Variants in METTL15 observed in about 807,000 individuals in gnomAD.
METTL15 encodes the protein methyltransferase 15, mitochondrial 12S rRNA N4-cytidine, also known as 12S rRNA N(4)-cytidine methyltransferase METTL15.
METTL15 carries 34 observed loss-of-function variants against 38.3 expected under a neutral mutation model. That is an observed-to-expected ratio of 0.89 (90% CI 0.68 to 1.18). The LOEUF (loss-of-function observed/expected upper bound fraction) is 1.18. Ranked by LOEUF, METTL15 falls within the 50% of genes most tolerant of loss-of-function variation. METTL15 has a pLI of 0.00. For missense variants in METTL15, 438 were observed against 498.4 expected (o/e 0.88, Z 1.15); for synonymous variants, 162 against 170.9 (o/e 0.95, Z 0.41).
At chr11:28,431,808 G>GAAAAAAAAAAAAAAAAAAA (rs1186274147) in intron 6 of METTL15, among the ~76,000 whole-genome samples, 3 of 87,070 alleles carry the variant, frequency 3.4e-5, no homozygotes, top group Admixed American at 1.2e-4. Context: ...AAAAAAAAAA[G>GAAAAAAAAAAAAAAAAAAA]AAAAAAAAAA....
At chr11:28,396,392 A>G (rs1408737058) in intron 5 of METTL15, among the ~76,000 whole-genome samples, 1 of 152,210 alleles carries the variant, frequency 6.6e-6, no homozygotes, top group Non-Finnish European at 1.5e-5. Context: ...CAACTTCAGC[A>G]AAGTCTCAGG....
chr11:28,152,249 T>A (rs1484943258), intron 3 of METTL15, among the ~76,000 whole-genome samples: 2 of 151,880 alleles, frequency 1.3e-5, no homozygotes, highest in Admixed American at 6.6e-5. Flanking sequence ...TTTTTTTTTT[T>A]AATTAACTGC....
chr11:28,508,613 A>T (rs568747785), intron 6 of METTL15, among the ~76,000 whole-genome samples: 24 of 152,282 alleles, frequency 1.6e-4, no homozygotes, highest in Non-Finnish European at 3.2e-4. Context: ...ATGTTTCCAC[A>T]TCTCTAGGGG....
At chr11:28,320,252 C>T (rs559636268) in intron 6 of METTL15, among the ~76,000 whole-genome samples, 3 of 146,678 alleles carry the variant, frequency 2.0e-5, no homozygotes, top group Non-Finnish European at 3.0e-5. Context: ...TATATTTTAG[C>T]CTTGTAGAGC....
chr11:28,324,061 C>A (rs1052956938), intron 6 of METTL15, among the ~76,000 whole-genome samples: 5 of 152,178 alleles, frequency 3.3e-5, no homozygotes, highest in African/African-American at 1.2e-4. Context: ...ATGAAAACAT[C>A]TTCCCATTAA....
At chr11:28,433,477 A>G (rs1564930418) in intron 6 of METTL15, among the ~76,000 whole-genome samples, 1 of 152,164 alleles carries the variant, frequency 6.6e-6, no homozygotes, top group Non-Finnish European at 1.5e-5. Flanking sequence ...CCTAGACTTC[A>G]GTTTCTCATG....
Position 28,416,035 on chromosome 11 carries a change from TCTC to T in METTL15, c.*359-8261_*359-8259del, listed in dbSNP as rs1265402241. On this transcript the variant is annotated intron_variant and NMD_transcript_variant, in intron 5 of 7. Transcript: ENST00000532947. Reference sequence around the variant, plus strand: ...AATCGTTAAATAAAATATTTACTATTCTCCTTTGAGAAATGTACCTCTGAAATT... The same window carrying T: ...AATCGTTAAATAAAATATTTACTATTCTTTGAGAAATGTACCTCTGAAATT... Among the ~76,000 whole-genome samples, 3 of 152,304 alleles carry T rather than the reference TCTC, an allele frequency of 2.0e-5. No individual in the cohort carries two copies. In the South Asian group the frequency reaches 6.2e-4, roughly 32 times the overall value.
rs143165022 is a variant in METTL15 at position 28,298,226 on chromosome 11, C to T, written c.778+1295C>T. Reference sequence around the variant, plus strand: ...CTGTCTGGTGTTCCTTTAACCACTCCGTACTCACTAACATGTCTCCACCGT... The same window carrying T: ...CTGTCTGGTGTTCCTTTAACCACTCTGTACTCACTAACATGTCTCCACCGT... On this transcript the variant is annotated intron_variant, in intron 6 of 6. Transcript: ENST00000407364. 1.9e-3 allele frequency among the ~76,000 whole-genome samples: 287 copies of T among 152,132 alleles called. 1 individual carries two copies. The highest frequency in any genetic ancestry group is 6.6e-3 in the African/African-American group (273 of 41,526).
At chr11:28,442,211 T>C (rs1024259350) in intron 6 of METTL15, among the ~76,000 whole-genome samples, 2 of 152,182 alleles carry the variant, frequency 1.3e-5, no homozygotes, top group African/African-American at 2.4e-5. Flanking sequence ...GCACTGACTA[T>C]AGAAAGATGA....
At chr11:28,111,232 A>G (rs1265718750) in intron 2 of METTL15, among the ~76,000 whole-genome samples, 1 of 152,236 alleles carries the variant, frequency 6.6e-6, no homozygotes, top group African/African-American at 2.4e-5. Flanking sequence ...ACTGAATGCA[A>G]TAGAAAAAAA....
At chr11:28,146,617 GC>G (rs1277120111) in intron 3 of METTL15, among the ~76,000 whole-genome samples, 1 of 151,688 alleles carries the variant, frequency 6.6e-6, no homozygotes, top group African/African-American at 2.4e-5. Flanking sequence ...CTTGTTTGAT[GC>G]CTTTTTTCTC....
intron 3 of METTL15, among the ~76,000 whole-genome samples, chr11:28,177,796 T>C (rs1851133016): frequency 6.6e-6 from 1 of 151,970 alleles, no homozygotes; most frequent in Non-Finnish European, 1.5e-5. Context: ...CAGGAGCATT[T>C]AATGTGAAAT....
chr11:28,492,917 A>C (rs1590393449), intron 6 of METTL15, among the ~76,000 whole-genome samples: 1 of 152,192 alleles, frequency 6.6e-6, no homozygotes, highest in Non-Finnish European at 1.5e-5. Context: ...TCAGGCATAC[A>C]TAGTTGGTGT....
chr11:28,431,790 T>TAAAAAAAAAAAAAAAAGA (rs1850931586), intron 6 of METTL15, among the ~76,000 whole-genome samples: 1 of 71,496 alleles, frequency 1.4e-5, no homozygotes, highest in Non-Finnish European at 2.5e-5. Context: ...AAAATAAATT[T>TAAAAAAAAAAAAAAAAGA]AAAAAAAAAA....
At chr11:28,355,754 A>G (rs1850085283) in intron 4 of METTL15, among the ~76,000 whole-genome samples, 1 of 152,066 alleles carries the variant, frequency 6.6e-6, no homozygotes, top group African/African-American at 2.4e-5. Context: ...GGTATTTGCC[A>G]GGGGAGGGGG....
intron 6 of METTL15, among the ~76,000 whole-genome samples, chr11:28,303,744 GA>G (rs571378175): frequency 2.6e-5 from 4 of 152,162 alleles, no homozygotes; most frequent in Middle Eastern, 3.4e-3. Flanking sequence ...AATTCAAGGG[GA>G]AAAAATATAT....
At chr11:28,464,877 G>A (rs1851244021) in intron 6 of METTL15, among the ~76,000 whole-genome samples, 1 of 152,152 alleles carries the variant, frequency 6.6e-6, no homozygotes, top group Non-Finnish European at 1.5e-5. Context: ...TTTCCTGTTG[G>A]ATTTGAAGTT....
intron 4 of METTL15, among the ~76,000 whole-genome samples, chr11:28,236,016 A>G (rs1413291037): frequency 2.0e-5 from 3 of 151,994 alleles, no homozygotes; most frequent in Non-Finnish European, 4.4e-5. Flanking sequence ...TTTAGCATGA[A>G]GGGTTGTTGA....
At chr11:28,493,449 C>G (rs1212727501) in intron 6 of METTL15, among the ~76,000 whole-genome samples, 1 of 152,152 alleles carries the variant, frequency 6.6e-6, no homozygotes, top group Non-Finnish European at 1.5e-5. Flanking sequence ...GTCAACAAAG[C>G]CAAAGCCATC....
Sources: allele counts gnomAD v4.1 joint callset (sites outside exome capture counted in the v4.1 genomes callset), GRCh38; gene constraint gnomAD v4.1.1; transcripts MANE v1.5; gene names NCBI Gene and HGNC (gene_info 2026-07-23, HGNC 2026-07-21).